The following UTRN variants were observed in gnomAD, a reference collection of about 807,000 sequenced individuals.
UTRN encodes the protein dystrophin-related protein 1.
Under a neutral mutation model 463.9 loss-of-function variants are expected in UTRN, and 283 were observed. That is an observed-to-expected ratio of 0.61 (90% CI 0.55 to 0.67). The LOEUF (loss-of-function observed/expected upper bound fraction) is 0.67, where lower values mean the gene tolerates loss of function less well. Ranked by LOEUF, UTRN falls within the 30% of genes least tolerant of loss-of-function variation. The pLI is 0.00. For missense variants in UTRN, 3,922 were observed against 4,084.3 expected, an observed-to-expected ratio of 0.96 and a Z score of 1.08; for synonymous variants, 1,442 against 1,431.5, an observed-to-expected ratio of 1.01 and a Z score of -0.17.
At chr6:144,843,387 A>G (rs1781758001) in intron 73 of UTRN, among the ~76,000 whole-genome samples, 1 of 152,180 alleles carries the variant, frequency 6.6e-6, no homozygotes, top group African/African-American at 2.4e-5. Flanking sequence ...AATTTTTCTC[A>G]AAGTATACTC....
chr6:144,536,616 C>T (rs1426701052), intron 43 of UTRN, among the ~76,000 whole-genome samples: 1 of 151,842 alleles, frequency 6.6e-6, no homozygotes, highest in Non-Finnish European at 1.5e-5. Context: ...TATGTGAGAA[C>T]TTTTGTGATT....
Position 144,490,132 on chromosome 6 carries a change from G to A in UTRN, c.4196G>A (p.Arg1399His), listed in dbSNP as rs151173089. The A allele has an allele frequency of 7.7e-4, 1,239 of 1,613,462 alleles. 4 individuals carry two copies. The highest frequency in any genetic ancestry group is 9.7e-4 in the Non-Finnish European group (1,142 of 1,179,788). ...CTAGAGGAGTTGAGAAGAAATATGC[G>A]TTCTCAGCCCCTGACCTCCCCAGAG... ...LTLEELRRNM[R>H]SQPLTSPESR... Residue 1399 changes from arginine (R) to histidine (H), a missense_variant, in exon 31 of 75, where the codon CGT (arginine) becomes CAT (histidine). Arg to His is a conservative substitution (Grantham distance 29). Transcript: ENST00000367545.
In UTRN at chr6:144,550,964, G is replaced by A; in HGVS notation, c.6811-1G>A. On this transcript the variant is annotated splice_acceptor_variant, in intron 47 of 74. Transcript: ENST00000367545. LOFTEE classifies it high-confidence loss of function. ...TCCGAATAATCATTTCTACTTAACA[G>A]ATTACAAAGGCTGACTTAGAACAGC... 1 of 1,592,120 alleles carries A rather than the reference G, an allele frequency of 6.3e-7. No individual in the cohort carries two copies. Among genetic ancestry groups the A allele is most frequent in the Non-Finnish European group, 8.5e-7 (1 of 1,173,740 alleles).
chr6:144,427,154 G>T (rs915589391), intron 7 of UTRN, among the ~76,000 whole-genome samples: 11 of 152,090 alleles, frequency 7.2e-5, no homozygotes, highest in African/African-American at 2.7e-4. Flanking sequence ...ATATACGCTT[G>T]AGCTGACATT....
At chr6:144,516,676 T>C in intron 38 of UTRN, 135 bp from the exon 39 acceptor site, 1 of 715,350 alleles carries the variant, frequency 1.4e-6, no homozygotes, top group Non-Finnish European at 2.0e-6. Flanking sequence ...AAACATAAAT[T>C]TTTTGATCGT....
chr6:144,365,277 T>C (rs1779414462), intron 2 of UTRN, among the ~76,000 whole-genome samples: 1 of 152,188 alleles, frequency 6.6e-6, no homozygotes, highest in East Asian at 1.9e-4. Flanking sequence ...AAAAATAATG[T>C]TAGAAGAAGC....
At position 144,464,651 on chromosome 6, in the gene UTRN, C is replaced by T. The variant is rs144789848; in HGVS notation, c.3066+1785C>T. Among the ~76,000 whole-genome samples the T allele has an allele frequency of 3.8e-3, 582 of 152,152 alleles. 4 individuals carry two copies. Among genetic ancestry groups the T allele is most frequent in the African/African-American group, 0.014 (566 of 41,510 alleles). On this transcript the variant is annotated intron_variant, in intron 23 of 74. Transcript: ENST00000367545. ...GATTAACTGGGACTACAGGCACATG[C>T]CACTATGCCCGGCTAAGGTTTTATT... is the stretch of plus-strand genomic sequence containing the variant.
At chr6:144,357,148 G>A (rs1443150953) in intron 2 of UTRN, among the ~76,000 whole-genome samples, 6 of 152,224 alleles carry the variant, frequency 3.9e-5, no homozygotes, top group Admixed American at 3.3e-4. Context: ...GAGCACATGG[G>A]TGTGGAATTT....
intron 23 of UTRN, among the ~76,000 whole-genome samples, chr6:144,467,053 T>C (rs1790029338): frequency 6.6e-6 from 1 of 152,236 alleles, no homozygotes; most frequent in Non-Finnish European, 1.5e-5. Flanking sequence ...TCACCATTAA[T>C]ACAAATTAAT....
At chr6:144,489,829 C>T (rs1792874077) in intron 30 of UTRN, among the ~76,000 whole-genome samples, 1 of 151,692 alleles carries the variant, frequency 6.6e-6, no homozygotes, top group African/African-American at 2.4e-5. Flanking sequence ...ACCATCTTGG[C>T]CAGGCTGGTC....
chr6:144,408,153 A>G (rs1783580184), intron 3 of UTRN, among the ~76,000 whole-genome samples: 1 of 152,210 alleles, frequency 6.6e-6, no homozygotes, highest in South Asian at 2.1e-4. Flanking sequence ...CCTATCATAT[A>G]CCTCGAATCT....
chr6:144,690,348 C>T (rs1484958775), intron 52 of UTRN, among the ~76,000 whole-genome samples: 1 of 151,808 alleles, frequency 6.6e-6, no homozygotes, highest in Non-Finnish European at 1.5e-5. Flanking sequence ...GTAAGACCCA[C>T]CTAGCTTCCC....
intron 51 of UTRN, among the ~76,000 whole-genome samples, chr6:144,602,485 A>G (rs1804362473): frequency 6.6e-6 from 1 of 152,174 alleles, no homozygotes; most frequent in Non-Finnish European, 1.5e-5. Context: ...ACTTCTAAAT[A>G]AAGACCAAAA....
At chr6:144,631,474 T>A (rs1776513750) in intron 51 of UTRN, among the ~76,000 whole-genome samples, 1 of 152,180 alleles carries the variant, frequency 6.6e-6, no homozygotes, top group Admixed American at 6.5e-5. Flanking sequence ...GGCTCATCAT[T>A]CTTTAAATTC....
Position 144,468,591 on chromosome 6 carries a change from AAT to A in UTRN, c.3067-5128_3067-5127del, listed in dbSNP as rs1491521385. Among the ~76,000 whole-genome samples, 172 of 150,334 alleles carry A rather than the reference AAT, an allele frequency of 1.1e-3. 1 individual carries two copies. Among genetic ancestry groups the A allele is most frequent in the Middle Eastern group, 3.4e-3 (1 of 290 alleles). ...TGTAAGAACTGAAGTCCCTTAAAGA[AAT>A]GTGTGTGTGTGTGTGTGTGTGTGCA... On this transcript the variant is annotated intron_variant, in intron 23 of 74. Transcript: ENST00000367545.
At chr6:144,449,811 G>A (rs1788072754) in intron 17 of UTRN, among the ~76,000 whole-genome samples, 1 of 152,174 alleles carries the variant, frequency 6.6e-6, no homozygotes, top group African/African-American at 2.4e-5. Context: ...TAGTTAAGAA[G>A]ACAGTCTTGG....
intron 2 of UTRN, among the ~76,000 whole-genome samples, chr6:144,358,288 C>T (rs999739796): frequency 6.6e-6 from 1 of 152,170 alleles, no homozygotes; most frequent in African/African-American, 2.4e-5. Flanking sequence ...TCTAAATTAT[C>T]TTAACAGTTG....
intron 2 of UTRN, among the ~76,000 whole-genome samples, chr6:144,337,765 C>A (rs1425294776): frequency 6.6e-6 from 1 of 152,166 alleles, no homozygotes; most frequent in Non-Finnish European, 1.5e-5. Context: ...CAGGCACACG[C>A]CACCACGCCT....
chr6:144,448,674 A>C lies in UTRN; in HGVS notation c.1977A>C (p.Arg659Ser). The C allele has an allele frequency of 1.2e-6, 2 of 1,614,098 alleles. No individual in the cohort carries two copies. Among genetic ancestry groups the C allele is most frequent in the Non-Finnish European group, 1.7e-6 (2 of 1,179,974 alleles). Residue 659 changes from arginine (R) to serine (S), a missense_variant, in exon 17 of 75, where the codon AGA becomes AGC. By Grantham distance (110) the Arg-to-Ser change is moderately radical. Coordinates refer to ENST00000367545, the MANE Select transcript of UTRN (RefSeq NM_007124.3). ...ACCTTTTGGAGACTGTTCGTGTAAG[A>C]GAACAAGCAATTACAAAAAAATCTA... ...QKDLLETVRVREQAITKKSKQ... is the reference protein window; with the variant it reads ...QKDLLETVRVSEQAITKKSKQ...
Sources: gnomAD v4.1 joint callset for allele counts (sites outside exome capture counted in the v4.1 genomes callset) on GRCh38, gnomAD v4.1.1 for gene constraint, MANE v1.5 for transcripts, NCBI Gene and HGNC (gene_info 2026-07-23, HGNC 2026-07-21) for gene names.